CXADR: variants seen among roughly 807,000 people sequenced by gnomAD.
CXADR encodes CXADR cell adhesion molecule, also known as coxsackievirus and adenovirus receptor.
In CXADR, 20 loss-of-function variants were observed where a neutral mutation model predicts 40.3. The ratio of observed to expected loss-of-function variants is 0.50; its 90% CI spans 0.35 to 0.72. The LOEUF (loss-of-function observed/expected upper bound fraction) is 0.72, where lower values mean the gene tolerates loss of function less well. CXADR is among the 30% of genes least tolerant of loss of function. The pLI, the probability that CXADR is intolerant of heterozygous loss-of-function variation, is 0.01. For synonymous variants in CXADR, 150 were observed against 161.3 expected (o/e 0.93, Z 0.53); for missense variants, 332 against 449.1 (o/e 0.74, Z 2.36).
the CXADR span, chr21:17,612,021 TAA>T: frequency 6.6e-6 from 1 of 152,388 alleles, no homozygotes; most frequent in Non-Finnish European, 1.5e-5. Context: ...TCCAAGGGGC[TAA>T]GAGTTGGACT....
intron 7 of CXADR, among the ~76,000 whole-genome samples, chr21:17,583,499 A>C (rs1052818609): frequency 1.3e-5 from 2 of 152,220 alleles, no homozygotes; most frequent in African/African-American, 4.8e-5. Flanking sequence ...TCTCCAACAT[A>C]TATGTATAAC....
At chr21:17,629,593 A>G in the CXADR span, among the ~76,000 whole-genome samples, 2 of 151,998 alleles carry the variant, frequency 1.3e-5, no homozygotes, top group Non-Finnish European at 2.9e-5. Flanking sequence ...AAAACCCAAA[A>G]AGAAGCAAAA....
At chr21:17,606,362 C>G in the CXADR span, among the ~76,000 whole-genome samples, 7 of 152,178 alleles carry the variant, frequency 4.6e-5, no homozygotes, top group African/African-American at 1.7e-4. Context: ...ATATACGTAC[C>G]TATCTTAGCG....
intron 3 of CXADR, 77 bp downstream of exon 3, chr21:17,552,030 G>T: frequency 9.2e-7 from 1 of 1,087,712 alleles, no homozygotes. Context: ...AGCAGCACTT[G>T]TATAAAATAA....
rs1271416748 is a variant in CXADR at position 17,568,488 on chromosome 21, C to G, written c.*2796C>G. The G allele has an allele frequency of 1.0e-6, 1 of 960,844 alleles. No homozygotes were observed. 59.5% of individuals were successfully genotyped at this position (960,844 alleles called of 1,614,324 possible). A position where few individuals can be genotyped will look rare whatever the true frequency, so the allele number is the denominator to read the frequency against. ...TACTTTATAACTGAGAGACTTGATA[C>G]CATCCATCTCTTTAGGTTACAGAGG... On this transcript the variant is annotated 3_prime_UTR_variant, in exon 7 of 7. Coordinates refer to ENST00000284878, the MANE Select transcript of CXADR (RefSeq NM_001338.5).
At chr21:17,524,575 CAAAAAAAA>C (rs71189539) in intron 1 of CXADR, among the ~76,000 whole-genome samples, 4 of 43,836 alleles carry the variant, frequency 9.1e-5, no homozygotes, top group East Asian at 2.0e-3. Flanking sequence ...GACTCTATCT[CAAAAAAAA>C]AAAAAAAAAA....
the CXADR span, among the ~76,000 whole-genome samples, chr21:17,603,827 C>T: frequency 6.6e-6 from 1 of 152,210 alleles, no homozygotes; most frequent in Admixed American, 6.5e-5. Flanking sequence ...TGACTCCTCA[C>T]CAGATGCAGT....
At chr21:17,630,932 T>A in the CXADR span, among the ~76,000 whole-genome samples, 1 of 151,912 alleles carries the variant, frequency 6.6e-6, no homozygotes, top group Non-Finnish European at 1.5e-5. Context: ...AAACGCAGGG[T>A]GTCGAACAAG....
At chr21:17,598,176 A>T (rs529437165), downstream of CXADR, among the ~76,000 whole-genome samples, 1 of 152,258 alleles carries the variant, frequency 6.6e-6, no homozygotes, top group South Asian at 2.1e-4. Context: ...AAAGGGAGAC[A>T]ATGTTTCAGC....
In CXADR at chr21:17,543,097, A is replaced by G. The variant is rs576583071; in HGVS notation, c.44-3930A>G. 2.1e-5 allele frequency: 7 copies of G among 333,268 alleles called. No individual in the cohort carries two copies. The East Asian group carries it at 6.5e-4, about 31-fold the overall frequency. 20.6% of individuals were successfully genotyped at this position (333,268 alleles called of 1,614,324 possible). Reference sequence around the variant, plus strand: ...GAAAAACAAAAAACAAAAAAATCTAAAAGTCATTAAAAAATCGTTTTAAAA... The same window carrying G: ...GAAAAACAAAAAACAAAAAAATCTAGAAGTCATTAAAAAATCGTTTTAAAA... On this transcript the variant is annotated intron_variant, in intron 1 of 6. Transcript: ENST00000284878.
At chr21:17,519,728 G>A (rs1256493922) in intron 1 of CXADR, among the ~76,000 whole-genome samples, 1 of 152,116 alleles carries the variant, frequency 6.6e-6, no homozygotes, top group African/African-American at 2.4e-5. Context: ...AATCTCCCAA[G>A]TATTGGTAGT....
At chr21:17,609,280 C>T in the CXADR span, 11 of 900,890 alleles carry the variant, frequency 1.2e-5, no homozygotes, top group African/African-American at 1.7e-5. Context: ...ATTTCTTTGG[C>T]TTATATCTGA....
the CXADR span, among the ~76,000 whole-genome samples, chr21:17,630,185 C>T: frequency 6.6e-6 from 1 of 152,194 alleles, no homozygotes; most frequent in Non-Finnish European, 1.5e-5. Context: ...GACCTAAGAA[C>T]AGGAATATGT....
chr21:17,617,876 C>T, the CXADR span, among the ~76,000 whole-genome samples: 1,388 of 152,298 alleles, frequency 9.1e-3, 23 homozygotes, highest in African/African-American at 0.032. Context: ...AAAGATTTCT[C>T]TGGTAGCTTG....
At chr21:17,550,351 C>CAAA (rs34284825) in intron 2 of CXADR, among the ~76,000 whole-genome samples, 3,021 of 130,656 alleles carry the variant, frequency 0.023, 65 homozygotes, top group Middle Eastern at 0.058. Flanking sequence ...AAGACTGTCT[C>CAAA]AAAAAAAAAA....
intron 6 of CXADR, among the ~76,000 whole-genome samples, chr21:17,563,012 C>T (rs2061145373): frequency 6.6e-6 from 1 of 152,204 alleles, no homozygotes; most frequent in South Asian, 2.1e-4. Flanking sequence ...GCTTCACTTT[C>T]TTATCGTTCA....
the CXADR span, among the ~76,000 whole-genome samples, chr21:17,622,427 T>C: frequency 6.6e-6 from 1 of 152,192 alleles, no homozygotes; most frequent in Admixed American, 6.5e-5. Flanking sequence ...TTCTTTACCT[T>C]GTAGGAAGTT....
Position 17,565,531 on chromosome 21 carries a change from T to C in CXADR, c.937T>C (p.Tyr313His). 6.2e-7 allele frequency: 1 copy of C among 1,613,828 alleles called. No homozygotes were observed. The highest frequency in any genetic ancestry group is 8.5e-7 in the Non-Finnish European group (1 of 1,179,778). The stretch of plus-strand genomic sequence containing the variant: ...CATGTCTCCTTCCAACATGGAAGGA[T>C]ATTCCAAGACTCAGTATAACCAAGT... ...GSMSPSNMEG[Y>H]SKTQYNQVPS... Residue 313 changes from tyrosine (Y) to histidine (H), a missense_variant, in exon 7 of 7, where the codon TAT becomes CAT. Transcript: ENST00000284878.
At chr21:17,559,216 C>T in intron 4 of CXADR, 85 bp downstream of exon 4, 2 of 1,406,776 alleles carry the variant, frequency 1.4e-6, no homozygotes, top group Non-Finnish European at 2.0e-6. Context: ...TGAGATAGGG[C>T]CTTGCTCTGT....
Sources: gnomAD v4.1 joint callset for allele counts (sites outside exome capture counted in the v4.1 genomes callset) on GRCh38, gnomAD v4.1.1 for gene constraint, MANE v1.5 for transcripts, NCBI Gene and HGNC (gene_info 2026-07-23, HGNC 2026-07-21) for gene names.